The following ARHGEF2 variants were observed in gnomAD, a reference collection of about 807,000 sequenced individuals.
The protein encoded by ARHGEF2 is rho guanine nucleotide exchange factor 2.
ARHGEF2 carries 22 observed loss-of-function variants against 121.0 expected under a neutral mutation model. That is an observed-to-expected ratio of 0.18 (90% CI 0.13 to 0.26). ARHGEF2 has a LOEUF of 0.26. Ranked by LOEUF, ARHGEF2 falls within the 10% of genes least tolerant of loss-of-function variation. The probability of loss-of-function intolerance (pLI) is 1.00; values close to 1 mark genes in which losing one functional copy is unlikely to be tolerated. For missense variants in ARHGEF2, 907 were observed against 1,336.0 expected (o/e 0.68, Z 5.01); for synonymous variants, 487 against 530.0 (o/e 0.92, Z 1.11).
intron 7 of ARHGEF2, among the ~76,000 whole-genome samples, chr1:155,964,002 G>A (rs911392598): frequency 3.3e-5 from 5 of 150,620 alleles, no homozygotes; most frequent in Non-Finnish European, 5.9e-5. Context: ...AAAATTAGCC[G>A]GGTGTAGTTG....
At position 155,962,529 on chromosome 1, in the gene ARHGEF2, AC is replaced by A; in HGVS notation, c.1101+63del. 5 of 1,592,644 alleles carry A rather than the reference AC, an allele frequency of 3.1e-6. No homozygotes were observed. Among genetic ancestry groups the A allele is most frequent in the East Asian group, 4.5e-5 (2 of 44,670 alleles). On this transcript the variant is annotated intron_variant, in intron 9 of 21. Coordinates refer to ENST00000361247, the MANE Select transcript of ARHGEF2 (RefSeq NM_001162383.2). The surrounding 1 kb of genome is among the most constrained non-coding windows in gnomAD (Gnocchi z 5.8). ...CATGTGGGTGCAGCTCACAGGCACTACCCCCATGAGTTGGGGAGGGTGGGTT... is the reference window on the plus strand; with the variant it reads ...CATGTGGGTGCAGCTCACAGGCACTACCCCATGAGTTGGGGAGGGTGGGTT...
chr1:155,972,707 T>C (rs919157815), intron 1 of ARHGEF2, among the ~76,000 whole-genome samples: 3 of 151,294 alleles, frequency 2.0e-5, no homozygotes, highest in African/African-American at 7.3e-5. Context: ...CTTTTTTTTT[T>C]CTTTTTTTTT....
At chr1:155,948,622 C>T (rs1674773018) in intron 21 of ARHGEF2, among the ~76,000 whole-genome samples, 1 of 151,970 alleles carries the variant, frequency 6.6e-6, no homozygotes. Flanking sequence ...CAGAGCAAAA[C>T]TGTCTCAAAA....
At chr1:155,966,786 C>T (rs1558038232) in intron 3 of ARHGEF2, 34 bp downstream of exon 3, 3 of 1,573,142 alleles carry the variant, frequency 1.9e-6, no homozygotes, top group East Asian at 4.5e-5. Context: ...TCACTACCCT[C>T]TCCCCCAGCC....
intron 14 of ARHGEF2, 86 bp from the exon 15 acceptor site, chr1:155,952,914 A>C (rs755370072): frequency 8.0e-7 from 1 of 1,252,960 alleles, no homozygotes; most frequent in Non-Finnish European, 1.1e-6. Context: ...GGAGAGGGGT[A>C]GGGTGGGGCA....
chr1:155,957,795 G>C lies in ARHGEF2; in HGVS notation c.1633C>G (p.Pro545Ala). 1 of 1,614,204 alleles carries C rather than the reference G, an allele frequency of 6.2e-7. No individual in the cohort carries two copies. The highest frequency in any genetic ancestry group is 8.5e-7 in the Non-Finnish European group (1 of 1,180,040). Residue 545 changes from proline (P) to alanine (A), a missense_variant, in exon 13 of 22, where the codon CCA (proline) becomes GCA (alanine). Pro to Ala is a conservative substitution (Grantham distance 27). Around this residue, in one of 2 missense-constraint regions of ARHGEF2, gnomAD observed 475 missense variants for 776.5 expected, o/e 0.61. Transcript: ENST00000361247. ...EKGMFLISAAPPEMYEVHTAS... is the reference protein window; with the variant it reads ...EKGMFLISAAAPEMYEVHTAS... The stretch of plus-strand genomic sequence containing the variant: ...GTGTGCACCTCGTACATCTCAGGTG[G>C]GGCTGCGCTGATCAGAAACATCCCT...
At chr1:155,959,017 C>G (rs558646661) in intron 11 of ARHGEF2, among the ~76,000 whole-genome samples, 3 of 152,118 alleles carry the variant, frequency 2.0e-5, no homozygotes, top group East Asian at 3.9e-4. Flanking sequence ...TACAGAAAAC[C>G]CTTTCTACCT....
chr1:155,969,785 T>G, intron 1 of ARHGEF2: 1 of 987,770 alleles, frequency 1.0e-6, no homozygotes, highest in Non-Finnish European at 1.2e-6. Flanking sequence ...TTGGATCTGC[T>G]GTCTCTGTGG....
intron 13 of ARHGEF2, among the ~76,000 whole-genome samples, chr1:155,956,908 A>AC: frequency 6.6e-6 from 1 of 151,076 alleles, no homozygotes; most frequent in Non-Finnish European, 1.5e-5. Flanking sequence ...AAAAAAAAAA[A>AC]AAATTTGCCT....
At chr1:155,978,973 C>T, upstream of ARHGEF2, 1 of 985,748 alleles carries the variant, frequency 1.0e-6, no homozygotes, top group Non-Finnish European at 1.2e-6. The surrounding 1 kb of genome is among the most constrained non-coding windows in gnomAD (Gnocchi z 4.1). Context: ...TTAGAAAACC[C>T]AGGACCAGTT....
Position 155,957,832 on chromosome 1 carries a change from G to C in ARHGEF2, c.1596C>G (p.Ala532=), listed in dbSNP as rs1281488937. The change falls in exon 13 of 22, where the codon GCC becomes GCG. Residue 532 remains alanine, a synonymous_variant. Transcript: ENST00000361247. ...SLQNLIVRDI[A]NQEKGMFLIS... Reference sequence around the variant, plus strand: ...TCAGAAACATCCCTTTCTCCTGGTTGGCAATGTCTCGTACGATTAGATTCT... The same window carrying C: ...TCAGAAACATCCCTTTCTCCTGGTTCGCAATGTCTCGTACGATTAGATTCT... The C allele has an allele frequency of 6.2e-7, 1 of 1,614,216 alleles. No homozygotes were observed. The highest frequency in any genetic ancestry group is 1.1e-5 in the South Asian group (1 of 91,078).
chr1:155,969,106 G>A (rs1478319595), intron 2 of ARHGEF2, 50 bp downstream of exon 2: 1 of 1,605,384 alleles, frequency 6.2e-7, no homozygotes, highest in Admixed American at 1.7e-5. Flanking sequence ...GAAAAGATCA[G>A]GGTCAGTGGG....
chr1:155,948,922 C>G (rs931431632), intron 21 of ARHGEF2, among the ~76,000 whole-genome samples: 3 of 152,182 alleles, frequency 2.0e-5, no homozygotes, highest in Non-Finnish European at 4.4e-5. Flanking sequence ...GCTAGGACTA[C>G]AGGCTCACTC....
chr1:155,955,874 C>G (rs1165226214), intron 13 of ARHGEF2, among the ~76,000 whole-genome samples: 5 of 152,010 alleles, frequency 3.3e-5, no homozygotes, highest in Admixed American at 3.3e-4. Flanking sequence ...CACCACCATG[C>G]CTGGCTAAGT....
Position 155,978,460 on chromosome 1 carries a change from C to A in ARHGEF2, c.-33G>T. On this transcript the variant is annotated 5_prime_UTR_variant, in exon 1 of 22. Transcript: ENST00000361247. The surrounding 1 kb of genome is among the most constrained non-coding windows in gnomAD (Gnocchi z 4.1). Reference sequence around the variant, plus strand: ...CGGGGGGACCAGGGAGGACGCGGCGCGGACCCCGGCGTCCTGTATTGTTGG... The same window carrying A: ...CGGGGGGACCAGGGAGGACGCGGCGAGGACCCCGGCGTCCTGTATTGTTGG... 1 of 1,444,016 alleles carries A rather than the reference C, an allele frequency of 6.9e-7. No homozygotes were observed. Among genetic ancestry groups the A allele is most frequent in the South Asian group, 1.4e-5 (1 of 74,060 alleles). 89.5% of individuals were successfully genotyped at this position (1,444,016 alleles called of 1,614,324 possible).
chr1:155,956,924 C>T (rs1012291025), intron 13 of ARHGEF2, among the ~76,000 whole-genome samples: 2 of 140,608 alleles, frequency 1.4e-5, no homozygotes, highest in African/African-American at 5.3e-5. Context: ...TGCCTGGGGT[C>T]GTGGTGGGCA....
chr1:155,955,272 G>A (rs559286931), intron 13 of ARHGEF2, among the ~76,000 whole-genome samples: 2 of 152,036 alleles, frequency 1.3e-5, no homozygotes, highest in South Asian at 2.1e-4. Flanking sequence ...TTACAGGCAC[G>A]CACCACCATG....
Position 155,961,982 on chromosome 1 carries a change from T to A in ARHGEF2, c.1220-73A>T. On this transcript the variant is annotated intron_variant, in intron 10 of 21. Transcript: ENST00000361247. This position sits in a 1 kb window ranked among gnomAD's most constrained non-coding sequence, Gnocchi z 4.7. ...CACCCCAGTTCCCATCGTGTCTTGA[T>A]TCCACCTTTAGAGGCTGCCCAGGGT... 6.2e-7 allele frequency: 1 copy of A among 1,605,212 alleles called. No homozygotes were observed. The highest frequency in any genetic ancestry group is 1.1e-5 in the South Asian group (1 of 90,594).
intron 7 of ARHGEF2, among the ~76,000 whole-genome samples, chr1:155,964,180 A>ATGTG (rs1349746641): frequency 5.9e-5 from 6 of 101,578 alleles, no homozygotes; most frequent in Admixed American, 1.3e-4. Flanking sequence ...ATATATATAT[A>ATGTG]TATATATATA....
Sources: gnomAD v4.1 joint callset for allele counts (sites outside exome capture counted in the v4.1 genomes callset) on GRCh38, gnomAD v4.1.1 for gene constraint, gnomAD v4.1.1 regional missense constraint, Gnocchi (gnomAD v3.1) non-coding constraint, MANE v1.5 for transcripts, NCBI Gene and HGNC (gene_info 2026-07-23, HGNC 2026-07-21) for gene names.